Variants in HMGB1 observed in about 807,000 individuals in gnomAD.
HMGB1 encodes high mobility group box 1, also known as high mobility group protein B1.
For missense variants in HMGB1, 79 were observed against 253.5 expected, an observed-to-expected ratio of 0.31 and a Z score of 4.67; for synonymous variants, 81 against 84.0, an observed-to-expected ratio of 0.96 and a Z score of 0.19.
chr13:30,547,623 G>C (rs937770280), intron 1 of HMGB1, among the ~76,000 whole-genome samples: 3 of 151,338 alleles, frequency 2.0e-5, no homozygotes, highest in African/African-American at 7.3e-5. Context: ...CAGGACTTTA[G>C]ATTTTTTTTT....
At chr13:30,553,034 G>A (rs998789511) in intron 1 of HMGB1, among the ~76,000 whole-genome samples, 7 of 152,144 alleles carry the variant, frequency 4.6e-5, no homozygotes, top group Admixed American at 4.6e-4. Flanking sequence ...CTGTAAGCTT[G>A]CCCTGACCAC....
At position 30,559,947 on chromosome 13, in the gene HMGB1, T is replaced by C. The variant is rs1390843968; in HGVS notation, c.-15+56724A>G. 6.6e-6 allele frequency among the ~76,000 whole-genome samples: 1 copy of C among 152,182 alleles called. No individual in the cohort carries two copies. The highest frequency in any genetic ancestry group is 1.5e-5 in the Non-Finnish European group (1 of 68,040). On this transcript the variant is annotated intron_variant, in intron 1 of 4. Transcript: ENST00000405805. This position sits in a 1 kb window ranked among gnomAD's most constrained non-coding sequence, Gnocchi z 6.6. ...GTAGTACAGTGAGATGGATGATGCC[T>C]TCACATGACTCAGATGTCACGTGTT...
At chr13:30,507,034 CCTTG>C (rs1887885345) in intron 1 of HMGB1, among the ~76,000 whole-genome samples, 1 of 152,214 alleles carries the variant, frequency 6.6e-6, no homozygotes, top group African/African-American at 2.4e-5. Flanking sequence ...GTGCTTGCCT[CCTTG>C]TTGTTCATAT....
At chr13:30,554,408 G>T in intron 1 of HMGB1, 1 of 821,300 alleles carries the variant, frequency 1.2e-6, no homozygotes, top group African/African-American at 1.7e-5. Flanking sequence ...CATTAAACAA[G>T]TGTTATTGAA....
intron 1 of HMGB1, among the ~76,000 whole-genome samples, chr13:30,589,224 C>T (rs1014428194): frequency 1.3e-5 from 2 of 151,990 alleles, no homozygotes; most frequent in African/African-American, 4.8e-5. Context: ...AGGCTGGTCT[C>T]AAACTCCCAA....
intron 1 of HMGB1, among the ~76,000 whole-genome samples, chr13:30,505,348 T>C (rs531640456): frequency 6.6e-6 from 1 of 152,056 alleles, no homozygotes; most frequent in Admixed American, 6.6e-5. Flanking sequence ...CTGGCTAATT[T>C]TTTGTATTTT....
intron 1 of HMGB1, among the ~76,000 whole-genome samples, chr13:30,546,576 T>A (rs1454968964): frequency 6.6e-6 from 1 of 152,190 alleles, no homozygotes; most frequent in African/African-American, 2.4e-5. Context: ...CTTAACCTAC[T>A]GGGCTCAAGT....
chr13:30,463,808 C>T (rs1886514713), intron 1 of HMGB1, 114 bp from the exon 2 acceptor site: 1 of 649,728 alleles, frequency 1.5e-6, no homozygotes, highest in African/African-American at 1.9e-5. Context: ...ACAGTAGCGA[C>T]ATCAACCTCC....
chr13:30,538,451 A>ATTCATTCT (rs1868555065), intron 1 of HMGB1, among the ~76,000 whole-genome samples: 2 of 90,612 alleles, frequency 2.2e-5, no homozygotes, highest in African/African-American at 1.1e-4. Flanking sequence ...AGTACTAGCA[A>ATTCATTCT]TTCTTTCTTT....
chr13:30,565,257 G>T (rs1217591076), intron 1 of HMGB1, among the ~76,000 whole-genome samples: 1 of 152,164 alleles, frequency 6.6e-6, no homozygotes, highest in Non-Finnish European at 1.5e-5. Flanking sequence ...ACCTACACAG[G>T]CAAGCTGTTA....
intron 1 of HMGB1, among the ~76,000 whole-genome samples, chr13:30,614,267 T>C (rs1950540053): frequency 6.6e-6 from 1 of 152,150 alleles, no homozygotes; most frequent in South Asian, 2.1e-4. Context: ...AAATGACAAG[T>C]TTAGATCAGC....
chr13:30,596,237 A>G (rs539892264), intron 1 of HMGB1, among the ~76,000 whole-genome samples: 1 of 152,334 alleles, frequency 6.6e-6, no homozygotes, highest in East Asian at 1.9e-4. Context: ...GAATATATAT[A>G]AAGAAAGACT....
chr13:30,490,621 GA>G (rs35989221), intron 1 of HMGB1, among the ~76,000 whole-genome samples: 32,714 of 134,928 alleles, frequency 0.24, 4,028 homozygotes, highest in East Asian at 0.44. Flanking sequence ...TGTCTGAACA[GA>G]AAAAAAAAAA....
chr13:30,502,629 TTTTAC>T (rs1252741439), intron 1 of HMGB1, among the ~76,000 whole-genome samples: 285 of 117,096 alleles, frequency 2.4e-3, no homozygotes, highest in African/African-American at 7.6e-3. Context: ...GGTATGCAGA[TTTTAC>T]TTTACTTTAT....
At chr13:30,560,419 G>A (rs1271852633) in intron 1 of HMGB1, among the ~76,000 whole-genome samples, 1 of 152,180 alleles carries the variant, frequency 6.6e-6, no homozygotes, top group African/African-American at 2.4e-5. Flanking sequence ...GCAGTGGGTT[G>A]AGTCATCAAG....
In HMGB1 at chr13:30,559,371, G is replaced by GTAAGA. The variant is rs766743188; in HGVS notation, c.-15+57295_-15+57299dup. Among the ~76,000 whole-genome samples, 5 of 152,142 alleles carry GTAAGA rather than the reference G, an allele frequency of 3.3e-5. No individual in the cohort carries two copies. The highest frequency in any genetic ancestry group is 7.3e-5 in the Non-Finnish European group (5 of 68,042). On this transcript the variant is annotated intron_variant, in intron 1 of 4. Transcript: ENST00000405805. The surrounding 1 kb of genome is among the most constrained non-coding windows in gnomAD (Gnocchi z 6.6). Reference sequence around the variant, plus strand: ...TTTACAGGGTGAACTCCCAATCCCGGTAAGATGGCCCGAGTTTCATTGCTG... The same window carrying GTAAGA: ...TTTACAGGGTGAACTCCCAATCCCGGTAAGATAAGATGGCCCGAGTTTCATTGCTG...
At chr13:30,464,169 G>GA in intron 1 of HMGB1, 2 of 984,182 alleles carry the variant, frequency 2.0e-6, no homozygotes, top group South Asian at 9.4e-5. Context: ...ACCGTGCACC[G>GA]AAAGTTTCAA....
At chr13:30,494,937 G>T (rs567583645) in intron 1 of HMGB1, among the ~76,000 whole-genome samples, 1 of 152,198 alleles carries the variant, frequency 6.6e-6, no homozygotes, top group East Asian at 1.9e-4. Flanking sequence ...TTGTACTTCT[G>T]TGATTGGTTT....
intron 1 of HMGB1, among the ~76,000 whole-genome samples, chr13:30,533,906 C>A (rs989330372): frequency 6.7e-6 from 1 of 150,036 alleles, no homozygotes; most frequent in Non-Finnish European, 1.5e-5. Context: ...CTCTTGTTGC[C>A]CGGGCTGGAG....
Sources: allele counts gnomAD v4.1 joint callset (sites outside exome capture counted in the v4.1 genomes callset), GRCh38; gene constraint gnomAD v4.1.1; non-coding constraint Gnocchi (gnomAD v3.1); transcripts MANE v1.5; gene names NCBI Gene and HGNC (gene_info 2026-07-23, HGNC 2026-07-21).